PDE12: variants seen among roughly 807,000 people sequenced by gnomAD.
PDE12 encodes 2',5'-phosphodiesterase 12.
PDE12 carries 26 observed loss-of-function variants against 45.4 expected under a neutral mutation model. The ratio of observed to expected loss-of-function variants is 0.57; its 90% CI spans 0.42 to 0.79. The LOEUF (loss-of-function observed/expected upper bound fraction) is 0.79. PDE12 is among the 30% of genes least tolerant of loss of function. The pLI is 0.00. For synonymous variants in PDE12, 283 were observed against 323.9 expected (o/e 0.87, Z 1.36); for missense variants, 668 against 790.0 (o/e 0.85, Z 1.85).
At chr3:57,619,952 G>A in the PDE12 span, among the ~76,000 whole-genome samples, 24 of 152,132 alleles carry the variant, frequency 1.6e-4, no homozygotes, top group Admixed American at 9.2e-4. Flanking sequence ...GGCCGGGCAT[G>A]GTGGCTCACG....
At chr3:57,628,185 C>G in the PDE12 span, 7 of 1,606,338 alleles carry the variant, frequency 4.4e-6, no homozygotes, top group Admixed American at 1.7e-5. Context: ...GATGCATAAT[C>G]CTTTTTGGCT....
the PDE12 span, among the ~76,000 whole-genome samples, chr3:57,579,705 G>GT: frequency 2.6e-3 from 393 of 152,264 alleles, 3 homozygotes; most frequent in African/African-American, 8.9e-3. Context: ...TTAGCAAATT[G>GT]TAAGTCCATT....
the PDE12 span, among the ~76,000 whole-genome samples, chr3:57,614,553 T>TGG: frequency 9.6e-6 from 1 of 104,708 alleles, no homozygotes; most frequent in African/African-American, 2.7e-5. Context: ...TGTTTTTTTT[T>TGG]TTTTTTTTTG....
chr3:57,557,255 C>T lies in PDE12; in HGVS notation c.876C>T (p.Asp292=), dbSNP rs1345138831. 1.9e-6 allele frequency: 3 copies of T among 1,613,838 alleles called. No individual in the cohort carries two copies. Among genetic ancestry groups the T allele is most frequent in the Admixed American group, 3.3e-5 (2 of 59,986 alleles). Residue 292 remains aspartate, a synonymous_variant, in exon 1 of 3, where the codon GAC becomes GAT. Coordinates refer to ENST00000311180, the MANE Select transcript of PDE12 (RefSeq NM_177966.7). ...RHLYTKKVTE[D]ALIRTVSYNI... ...TCTACACGAAGAAGGTGACTGAGGACGCTCTCATCCGCACTGTCTCTTACA... is the reference window on the plus strand; with the variant it reads ...TCTACACGAAGAAGGTGACTGAGGATGCTCTCATCCGCACTGTCTCTTACA...
chr3:57,604,850 C>G, the PDE12 span, among the ~76,000 whole-genome samples: 2 of 151,834 alleles, frequency 1.3e-5, no homozygotes, highest in African/African-American at 2.4e-5. Flanking sequence ...TGGCTTCAAG[C>G]AATCCTCCCA....
the PDE12 span, among the ~76,000 whole-genome samples, chr3:57,622,642 A>G: frequency 6.6e-6 from 1 of 152,220 alleles, no homozygotes. Flanking sequence ...GAGTGTTCAC[A>G]GCAGCTTTAT....
the PDE12 span, among the ~76,000 whole-genome samples, chr3:57,601,805 C>T: frequency 4.2e-5 from 6 of 141,360 alleles, no homozygotes; most frequent in South Asian, 4.4e-4. Context: ...AGTGCAGTGG[C>T]GCTATCTCAG....
chr3:57,635,731 A>G, the PDE12 span, among the ~76,000 whole-genome samples: 1 of 152,226 alleles, frequency 6.6e-6, no homozygotes, highest in African/African-American at 2.4e-5. Context: ...TTTTAAGAGT[A>G]TGTATTATGA....
At chr3:57,574,727 TAAC>T in the PDE12 span, among the ~76,000 whole-genome samples, 1 of 152,056 alleles carries the variant, frequency 6.6e-6, no homozygotes, top group Admixed American at 6.6e-5. Context: ...ACTGTTATGT[TAAC>T]AAGCAAACAA....
the PDE12 span, among the ~76,000 whole-genome samples, chr3:57,612,596 C>A: frequency 1.3e-5 from 2 of 151,724 alleles, no homozygotes; most frequent in Non-Finnish European, 2.9e-5. Flanking sequence ...CATGGTGAAA[C>A]CCCGTGTCTA....
chr3:57,557,088 C>T lies in PDE12; in HGVS notation c.709C>T (p.Pro237Ser), dbSNP rs147166001. Residue 237 changes from proline to serine, a missense_variant, in exon 1 of 3, where the codon CCG becomes TCG. Physicochemically the swap from Pro to Ser is moderately conservative, Grantham distance 74. Transcript: ENST00000311180. ...ETDVEERVYT[P>S]SNADIGLRLK... Reference sequence around the variant, plus strand: ...TGATGTGGAGGAGCGTGTCTACACCCCGTCCAATGCCGACATCGGGCTAAG... The same window carrying T: ...TGATGTGGAGGAGCGTGTCTACACCTCGTCCAATGCCGACATCGGGCTAAG... 6.2e-7 allele frequency: 1 copy of T among 1,613,926 alleles called. No individual in the cohort carries two copies. The highest frequency in any genetic ancestry group is 8.5e-7 in the Non-Finnish European group (1 of 1,180,038).
Position 57,564,119 on chromosome 3 carries a change from G to C in PDE12, c.*4115G>C, listed in dbSNP as rs2069755625. 1 of 152,092 alleles carries C rather than the reference G, an allele frequency of 6.6e-6. No homozygotes were observed. Among genetic ancestry groups the C allele is most frequent in the African/African-American group, 2.4e-5 (1 of 41,390 alleles). The allele number at this position is 152,092 out of a possible 1,614,324, so 9.4% of individuals were successfully genotyped here. On this transcript the variant is annotated 3_prime_UTR_variant, in exon 3 of 3. Transcript: ENST00000311180. Reference sequence around the variant, plus strand: ...AATTTTTGTATTTTTAGTAGAGACAGGGTTTCACCATATTGGCCAGGCTGG... The same window carrying C: ...AATTTTTGTATTTTTAGTAGAGACACGGTTTCACCATATTGGCCAGGCTGG...
chr3:57,646,349 G>A, the PDE12 span: 9 of 1,613,728 alleles, frequency 5.6e-6, no homozygotes, highest in East Asian at 2.2e-5. Flanking sequence ...TGATGATTCC[G>A]ATGGTGATGG....
At position 57,561,491 on chromosome 3, in the gene PDE12, G is replaced by A; in HGVS notation, c.*1487G>A. 1 of 984,488 alleles carries A rather than the reference G, an allele frequency of 1.0e-6. No homozygotes were observed. Among genetic ancestry groups the A allele is most frequent in the Non-Finnish European group, 1.2e-6 (1 of 829,042 alleles). The allele number at this position is 984,488 out of a possible 1,614,324, so 61.0% of individuals were successfully genotyped here. A position where few individuals can be genotyped will look rare whatever the true frequency, so the allele number is the denominator to read the frequency against. ...CTTTTTAAAATTAGAAACTACAAATGGTTATACTGATTAGTGTCTAGCCTA... is the reference window on the plus strand; with the variant it reads ...CTTTTTAAAATTAGAAACTACAAATAGTTATACTGATTAGTGTCTAGCCTA... On this transcript the variant is annotated 3_prime_UTR_variant, in exon 3 of 3. Transcript: ENST00000311180.
chr3:57,641,272 TA>T, the PDE12 span, among the ~76,000 whole-genome samples: 2 of 144,170 alleles, frequency 1.4e-5, no homozygotes, highest in Admixed American at 7.1e-5. Context: ...AATGTTATAT[TA>T]AAATATATAT....
the PDE12 span, among the ~76,000 whole-genome samples, chr3:57,636,403 A>T: frequency 6.6e-6 from 1 of 152,176 alleles, no homozygotes; most frequent in African/African-American, 2.4e-5. Context: ...GATTCAGTAA[A>T]TATTAAGTAA....
the PDE12 span, among the ~76,000 whole-genome samples, chr3:57,577,728 T>C: frequency 6.6e-6 from 1 of 151,874 alleles, no homozygotes; most frequent in Non-Finnish European, 1.5e-5. Context: ...AAAAGAAAAA[T>C]AACAAATCAA....
At chr3:57,629,221 C>T in the PDE12 span, among the ~76,000 whole-genome samples, 2 of 152,294 alleles carry the variant, frequency 1.3e-5, no homozygotes, top group South Asian at 2.1e-4. Flanking sequence ...TTATAAGGAA[C>T]ATTAGTTAAC....
downstream of PDE12, among the ~76,000 whole-genome samples, chr3:57,569,503 C>A (rs891023496): frequency 6.6e-6 from 1 of 152,046 alleles, no homozygotes; most frequent in Admixed American, 6.6e-5. Context: ...CAGGCATGCA[C>A]CACCATGCAT....
Sources: allele counts gnomAD v4.1 joint callset (sites outside exome capture counted in the v4.1 genomes callset), GRCh38; gene constraint gnomAD v4.1.1; transcripts MANE v1.5; gene names NCBI Gene and HGNC (gene_info 2026-07-23, HGNC 2026-07-21).